Variants in HNF4G observed in about 807,000 individuals in gnomAD.
The protein encoded by HNF4G is hepatocyte nuclear factor 4-gamma.
In HNF4G, 21 loss-of-function variants were observed where a neutral mutation model predicts 50.9. The ratio of observed to expected loss-of-function variants is 0.41; its 90% CI spans 0.29 to 0.59. The LOEUF is 0.59. Ranked by LOEUF, HNF4G falls within the 20% of genes least tolerant of loss-of-function variation. The pLI, the probability that HNF4G is intolerant of heterozygous loss-of-function variation, is 0.26. For missense variants in HNF4G, 527 were observed against 559.4 expected, an observed-to-expected ratio of 0.94 and a Z score of 0.58; for synonymous variants, 198 against 185.6, an observed-to-expected ratio of 1.07 and a Z score of -0.54.
intron 2 of HNF4G, among the ~76,000 whole-genome samples, chr8:75,528,342 T>G (rs1171742690): frequency 6.6e-6 from 1 of 152,184 alleles, no homozygotes; most frequent in Non-Finnish European, 1.5e-5. Flanking sequence ...TTAGTTACAT[T>G]CAGGCCTTGC....
intron 1 of HNF4G, among the ~76,000 whole-genome samples, chr8:75,487,301 C>T (rs745852147): frequency 6.6e-6 from 1 of 151,926 alleles, no homozygotes; most frequent in Non-Finnish European, 1.5e-5. Context: ...ATGCCGTTGG[C>T]TCTAGAAGCT....
At chr8:75,515,335 T>C (rs1805861503) in intron 2 of HNF4G, among the ~76,000 whole-genome samples, 1 of 152,218 alleles carries the variant, frequency 6.6e-6, no homozygotes, top group Admixed American at 6.5e-5. Flanking sequence ...AGAGTTTTCT[T>C]CTTTTCTAAT....
chr8:75,512,650 G>C (rs1190700130), intron 2 of HNF4G, among the ~76,000 whole-genome samples: 8 of 151,872 alleles, frequency 5.3e-5, no homozygotes, highest in Non-Finnish European at 2.9e-5. Context: ...ATTTTTAGTA[G>C]AGATGGGGTT....
chr8:75,455,874 G>A (rs1331625455), intron 1 of HNF4G, among the ~76,000 whole-genome samples: 14 of 151,986 alleles, frequency 9.2e-5, no homozygotes, highest in Non-Finnish European at 7.4e-5. Flanking sequence ...CTGATTTGAT[G>A]TCATCTCTGA....
At chr8:75,558,468 G>T in intron 6 of HNF4G, 50 bp from the exon 7 acceptor site, 1 of 1,557,368 alleles carries the variant, frequency 6.4e-7, no homozygotes, top group Non-Finnish European at 8.7e-7. Flanking sequence ...GACAATTTGG[G>T]GAGACAGGTG....
At chr8:75,508,873 T>C (rs1419872757) in intron 2 of HNF4G, among the ~76,000 whole-genome samples, 3 of 152,230 alleles carry the variant, frequency 2.0e-5, no homozygotes, top group African/African-American at 7.2e-5. Flanking sequence ...ATTTATGCTC[T>C]ATCCTAAGAG....
chr8:75,554,596 A>G (rs532898187), intron 5 of HNF4G, among the ~76,000 whole-genome samples: 1 of 152,300 alleles, frequency 6.6e-6, no homozygotes, highest in African/African-American at 2.4e-5. Context: ...AGTAAAATTC[A>G]TTCAATAAAT....
intron 1 of HNF4G, among the ~76,000 whole-genome samples, chr8:75,420,465 C>T (rs548115932): frequency 2.6e-5 from 4 of 152,328 alleles, no homozygotes; most frequent in African/African-American, 9.6e-5. Flanking sequence ...CTCTCTTTTA[C>T]CTCTTGCAAC....
At chr8:75,417,350 C>T (rs1404230118) in intron 1 of HNF4G, among the ~76,000 whole-genome samples, 1 of 152,198 alleles carries the variant, frequency 6.6e-6, no homozygotes, top group Non-Finnish European at 1.5e-5. Flanking sequence ...CTAAATGCTT[C>T]ACATATATTA....
intron 1 of HNF4G, among the ~76,000 whole-genome samples, chr8:75,409,767 G>A (rs1418692351): frequency 6.6e-6 from 1 of 152,062 alleles, no homozygotes; most frequent in Non-Finnish European, 1.5e-5. Flanking sequence ...GATTGTAGGA[G>A]TGAGCCACCC....
chr8:75,413,838 CAA>C (rs1412723564), intron 1 of HNF4G, among the ~76,000 whole-genome samples: 1 of 151,174 alleles, frequency 6.6e-6, no homozygotes, highest in African/African-American at 2.4e-5. Flanking sequence ...GCCTGGACGA[CAA>C]AGAGAGACTT....
At chr8:75,501,360 C>T (rs1308256818) in intron 2 of HNF4G, among the ~76,000 whole-genome samples, 1 of 152,120 alleles carries the variant, frequency 6.6e-6, no homozygotes, top group African/African-American at 2.4e-5. Flanking sequence ...GCCAGAGGCT[C>T]AGCCCAGGAG....
At chr8:75,505,643 C>A (rs2926590) in intron 2 of HNF4G, among the ~76,000 whole-genome samples, 34,381 of 151,102 alleles carry the variant, frequency 0.23, 5,092 homozygotes, top group African/African-American at 0.42. Flanking sequence ...TATAAACGTA[C>A]CTTATGATAG....
chr8:75,513,954 AC>A (rs1326151490), intron 2 of HNF4G, among the ~76,000 whole-genome samples: 2 of 152,024 alleles, frequency 1.3e-5, no homozygotes, highest in African/African-American at 2.4e-5. Flanking sequence ...TGACAAAAAA[AC>A]ATTTTCTAAT....
chr8:75,456,491 T>A (rs112830292), intron 1 of HNF4G, among the ~76,000 whole-genome samples: 1 of 152,112 alleles, frequency 6.6e-6, no homozygotes, highest in Admixed American at 6.5e-5. Flanking sequence ...ATCACTTAGT[T>A]TTCATTTCAA....
At chr8:75,470,808 A>T (rs903287009) in intron 1 of HNF4G, among the ~76,000 whole-genome samples, 1 of 152,214 alleles carries the variant, frequency 6.6e-6, no homozygotes, top group Non-Finnish European at 1.5e-5. Context: ...TATTTGCTAT[A>T]AGAAATAGAG....
Position 75,449,792 on chromosome 8 carries a change from C to A in HNF4G, c.-143-40297C>A, listed in dbSNP as rs550033435. 1.7e-3 allele frequency among the ~76,000 whole-genome samples: 255 copies of A among 152,256 alleles called. 4 individuals are homozygous for A. Among genetic ancestry groups the A allele is most frequent in the African/African-American group, 1.7e-3 (72 of 41,560 alleles). On this transcript the variant is annotated intron_variant, in intron 1 of 10. Coordinates refer to the HNF4G transcript ENST00000354370. ...AAAGTGCTGGGATTACAGGCATGAG[C>A]CACCGCGCCCGGCCTATCTCAATAA...
At chr8:75,542,304 CA>C (rs34511417) in intron 1 of HNF4G, among the ~76,000 whole-genome samples, 45,050 of 151,466 alleles carry the variant, frequency 0.3, 7,348 homozygotes, top group African/African-American at 0.43. Flanking sequence ...GTCCCTGACT[CA>C]AAAAATAATA....
intron 2 of HNF4G, among the ~76,000 whole-genome samples, chr8:75,510,888 AACACGGTATTTCTTCAT>A (rs1181083165): frequency 1.3e-5 from 2 of 152,118 alleles, no homozygotes; most frequent in Non-Finnish European, 2.9e-5. Flanking sequence ...ATTAAAATTT[AACACGGTATTTCTTCAT>A]ATTCCTCAGT....
Sources: gnomAD v4.1 joint callset for allele counts (sites outside exome capture counted in the v4.1 genomes callset) on GRCh38, gnomAD v4.1.1 for gene constraint, MANE v1.5 for transcripts, NCBI Gene and HGNC (gene_info 2026-07-23, HGNC 2026-07-21) for gene names.